NRXN3: variants seen among roughly 807,000 people sequenced by gnomAD.
NRXN3 encodes the protein neurexin 3.
NRXN3 carries 32 observed loss-of-function variants against 137.6 expected under a neutral mutation model. The ratio of observed to expected loss-of-function variants is 0.23; its 90% CI spans 0.18 to 0.31. The LOEUF is 0.31. NRXN3 is among the 10% of genes least tolerant of loss of function. NRXN3 has a pLI of 1.00. For missense variants in NRXN3, 1,574 were observed against 2,062.5 expected, an observed-to-expected ratio of 0.76 and a Z score of 4.59; for synonymous variants, 798 against 784.5, an observed-to-expected ratio of 1.02 and a Z score of -0.29.
At chr14:79,852,806 T>C (rs181223031) in intron 20 of NRXN3, among the ~76,000 whole-genome samples, 3 of 152,120 alleles carry the variant, frequency 2.0e-5, no homozygotes, top group Admixed American at 2.0e-4. Flanking sequence ...ACTTTTTTCT[T>C]TAAACTTTTT....
chr14:79,327,063 C>T (rs2090993451), intron 15 of NRXN3, among the ~76,000 whole-genome samples: 2 of 152,156 alleles, frequency 1.3e-5, no homozygotes, highest in South Asian at 4.1e-4. Context: ...TCCTTCTTCC[C>T]ACCTTCTTTC....
At chr14:79,841,907 G>C (rs1036370165) in intron 20 of NRXN3, among the ~76,000 whole-genome samples, 2 of 152,166 alleles carry the variant, frequency 1.3e-5, no homozygotes, top group Admixed American at 6.5e-5. Flanking sequence ...ATCCCATCTG[G>C]TTTAGAGAAG....
chr14:78,238,064 T>G (rs1596267996), intron 1 of NRXN3, among the ~76,000 whole-genome samples: 1 of 151,192 alleles, frequency 6.6e-6, no homozygotes. Flanking sequence ...GAAGGAGGGG[T>G]GGGGAGGGCA....
At chr14:79,037,017 T>C (rs2099617182) in intron 15 of NRXN3, among the ~76,000 whole-genome samples, 1 of 152,140 alleles carries the variant, frequency 6.6e-6, no homozygotes, top group Admixed American at 6.6e-5. Context: ...TTACTCTGAA[T>C]TCCTAATTTC....
chr14:78,534,142 A>G (rs558808985), intron 4 of NRXN3, among the ~76,000 whole-genome samples: 3 of 152,330 alleles, frequency 2.0e-5, no homozygotes, highest in South Asian at 4.1e-4. Flanking sequence ...TTAAAACCAA[A>G]TGACTTCTAG....
chr14:79,444,065 A>G (rs2096013841), intron 15 of NRXN3, among the ~76,000 whole-genome samples: 1 of 152,174 alleles, frequency 6.6e-6, no homozygotes, highest in South Asian at 2.1e-4. Flanking sequence ...GGATGAAAAT[A>G]AATCCTCTGT....
chr14:78,330,415 T>C (rs1350551542), intron 4 of NRXN3, among the ~76,000 whole-genome samples: 2 of 152,084 alleles, frequency 1.3e-5, no homozygotes, highest in African/African-American at 4.8e-5. Context: ...TCATTTCACA[T>C]GGAAGGAGCC....
intron 15 of NRXN3, among the ~76,000 whole-genome samples, chr14:79,157,429 T>C (rs2060351562): frequency 2.0e-5 from 3 of 151,756 alleles, no homozygotes; most frequent in Non-Finnish European, 4.4e-5. Flanking sequence ...TGGGATTGCT[T>C]TTTGGCTAGT....
intron 15 of NRXN3, among the ~76,000 whole-genome samples, chr14:79,253,687 G>A (rs2076222137): frequency 6.6e-6 from 1 of 152,188 alleles, no homozygotes; most frequent in Admixed American, 6.5e-5. Flanking sequence ...AAGGCGGCAG[G>A]AAAAGAAAGA....
At chr14:79,798,810 G>C (rs1052781301) in intron 19 of NRXN3, among the ~76,000 whole-genome samples, 18 of 152,194 alleles carry the variant, frequency 1.2e-4, no homozygotes, top group Non-Finnish European at 2.5e-4. Flanking sequence ...CACAGCAGTA[G>C]ACACTTTTCT....
At chr14:78,490,962 T>C (rs967307037) in intron 4 of NRXN3, among the ~76,000 whole-genome samples, 9 of 152,120 alleles carry the variant, frequency 5.9e-5, no homozygotes, top group Admixed American at 5.2e-4. Flanking sequence ...CGGTCTACCA[T>C]CTCCTTTCCC....
At chr14:78,593,874 C>G (rs1165522662) in intron 4 of NRXN3, among the ~76,000 whole-genome samples, 2 of 152,162 alleles carry the variant, frequency 1.3e-5, no homozygotes, top group African/African-American at 4.8e-5. Flanking sequence ...TTGCTGCCCC[C>G]ACCCCAATGG....
chr14:79,348,841 C>G (rs1355061319), intron 15 of NRXN3, among the ~76,000 whole-genome samples: 1 of 152,104 alleles, frequency 6.6e-6, no homozygotes, highest in East Asian at 1.9e-4. Flanking sequence ...ATTTTTGCAC[C>G]TAGCTCCACT....
chr14:78,986,387 C>T (rs1382905435), intron 14 of NRXN3, among the ~76,000 whole-genome samples: 1 of 151,830 alleles, frequency 6.6e-6, no homozygotes, highest in African/African-American at 2.4e-5. Flanking sequence ...TCTTTAATCC[C>T]AAAGTTAAGG....
chr14:79,504,122 T>C (rs1199167085), intron 16 of NRXN3, among the ~76,000 whole-genome samples: 2 of 152,152 alleles, frequency 1.3e-5, no homozygotes, highest in African/African-American at 2.4e-5. Context: ...TCAAACCACA[T>C]TTCTACTAAA....
chr14:79,752,018 T>C (rs1174778304), intron 19 of NRXN3, among the ~76,000 whole-genome samples: 2 of 152,176 alleles, frequency 1.3e-5, no homozygotes, highest in South Asian at 2.1e-4. Flanking sequence ...ATCAAGGATA[T>C]TGGTCTAAAA....
At chr14:78,956,595 G>GGATGAT (rs2099397232) in intron 10 of NRXN3, among the ~76,000 whole-genome samples, 1 of 152,160 alleles carries the variant, frequency 6.6e-6, no homozygotes, top group Non-Finnish European at 1.5e-5. Context: ...TCCTTTTGGA[G>GGATGAT]GATGATGAAC....
intron 15 of NRXN3, among the ~76,000 whole-genome samples, chr14:79,022,646 G>C (rs2099591570): frequency 1.3e-5 from 2 of 152,104 alleles, no homozygotes; most frequent in Admixed American, 1.3e-4. Flanking sequence ...ACACTCCCCT[G>C]CTGCAATCAG....
At chr14:79,664,318 C>G (rs552093760) in intron 17 of NRXN3, among the ~76,000 whole-genome samples, 2 of 152,112 alleles carry the variant, frequency 1.3e-5, no homozygotes, top group African/African-American at 2.4e-5. Context: ...GAGACCCAGA[C>G]TTTGTGGTGC....
Sources: allele counts gnomAD v4.1 joint callset (sites outside exome capture counted in the v4.1 genomes callset), GRCh38; gene constraint gnomAD v4.1.1; transcripts MANE v1.5; gene names NCBI Gene and HGNC (gene_info 2026-07-23, HGNC 2026-07-21).